Variants in ZNF618 observed in about 807,000 individuals in gnomAD.
The protein encoded by ZNF618 is neural precursor cell expressed, developmentally down-regulated 10.
Under a neutral mutation model 103.0 loss-of-function variants are expected in ZNF618, and 34 were observed. That is an observed-to-expected ratio of 0.33 (90% CI 0.25 to 0.44). ZNF618 has a LOEUF of 0.44. Ranked by LOEUF, ZNF618 falls within the 20% of genes least tolerant of loss-of-function variation. ZNF618 has a pLI of 1.00. For synonymous variants in ZNF618, 551 were observed against 542.2 expected (o/e 1.02, Z -0.23); for missense variants, 1,059 against 1,295.4 (o/e 0.82, Z 2.80).
intron 1 of ZNF618, among the ~76,000 whole-genome samples, chr9:113,894,932 T>G (rs1356638118): frequency 2.0e-5 from 3 of 152,108 alleles, no homozygotes; most frequent in Non-Finnish European, 4.4e-5. Context: ...TGTACTTTTT[T>G]CTCTTATATT....
At chr9:113,974,594 A>ATT (rs908999501) in intron 2 of ZNF618, among the ~76,000 whole-genome samples, 2 of 150,654 alleles carry the variant, frequency 1.3e-5, no homozygotes, top group African/African-American at 4.9e-5. Context: ...CTTAAGGGCT[A>ATT]TTTTTTTTTT....
intron 1 of ZNF618, among the ~76,000 whole-genome samples, chr9:113,884,583 A>G (rs1828870625): frequency 6.6e-6 from 1 of 152,132 alleles, no homozygotes; most frequent in South Asian, 2.1e-4. Flanking sequence ...AGACATCACT[A>G]ATTGACCATG....
intron 1 of ZNF618, among the ~76,000 whole-genome samples, chr9:113,915,059 T>C (rs118063095): frequency 2.0e-5 from 3 of 152,368 alleles, no homozygotes; most frequent in Non-Finnish European, 4.4e-5. Context: ...GAAAATCTTC[T>C]ACCTTACTTA....
chr9:113,945,744 T>C (rs1834962110), intron 1 of ZNF618, among the ~76,000 whole-genome samples: 1 of 152,212 alleles, frequency 6.6e-6, no homozygotes, highest in Non-Finnish European at 1.5e-5. Context: ...CTGTAAATTA[T>C]ATTTTTGGTG....
intron 12 of ZNF618, among the ~76,000 whole-genome samples, chr9:114,033,389 A>G (rs1050475744): frequency 6.8e-6 from 1 of 147,060 alleles, no homozygotes; most frequent in Middle Eastern, 3.3e-3. Context: ...CTGTCTCAAA[A>G]AGAGAGAGAG....
chr9:114,036,910 T>C (rs2134356977), intron 13 of ZNF618, among the ~76,000 whole-genome samples: 1 of 152,348 alleles, frequency 6.6e-6, no homozygotes, highest in East Asian at 1.9e-4. Flanking sequence ...CACAGATTTC[T>C]AGGCTCCATT....
At chr9:114,032,750 C>T (rs374959958) in intron 12 of ZNF618, 22 bp downstream of exon 12, 61 of 1,610,618 alleles carry the variant, frequency 3.8e-5, no homozygotes, top group Non-Finnish European at 4.8e-5. Context: ...CCTTGACAGC[C>T]ATCCTGTGCG....
intron 3 of ZNF618, among the ~76,000 whole-genome samples, chr9:113,994,474 AAGGGTTAG>A (rs1256656390): frequency 1.3e-5 from 2 of 152,208 alleles, no homozygotes; most frequent in East Asian, 3.9e-4. Context: ...TTGGGGTCTG[AAGGGTTAG>A]AGGGTCCCTG....
intron 1 of ZNF618, among the ~76,000 whole-genome samples, chr9:113,953,718 A>G (rs959198213): frequency 6.6e-6 from 1 of 152,148 alleles, no homozygotes; most frequent in African/African-American, 2.4e-5. Context: ...GCCTCACTCC[A>G]GACTCAGGCT....
At chr9:113,980,262 C>G (rs1271535911) in intron 2 of ZNF618, among the ~76,000 whole-genome samples, 2 of 151,988 alleles carry the variant, frequency 1.3e-5, no homozygotes, top group Admixed American at 1.3e-4. Context: ...GAATTGTTTT[C>G]CTCTCTTGGG....
chr9:113,935,709 A>G (rs892162411), intron 1 of ZNF618, among the ~76,000 whole-genome samples: 4 of 152,134 alleles, frequency 2.6e-5, no homozygotes, highest in South Asian at 2.1e-4. Context: ...AGGTGTGATG[A>G]TGGATACTGT....
At chr9:113,972,923 G>A (rs1355864249) in intron 2 of ZNF618, among the ~76,000 whole-genome samples, 1 of 152,060 alleles carries the variant, frequency 6.6e-6, no homozygotes, top group East Asian at 1.9e-4. Context: ...ACAAAAATTA[G>A]CCAGGTATGG....
chr9:113,917,932 TTAAC>T (rs1460726902), intron 1 of ZNF618, among the ~76,000 whole-genome samples: 1 of 152,206 alleles, frequency 6.6e-6, no homozygotes, highest in Non-Finnish European at 1.5e-5. Context: ...TATAATACTG[TTAAC>T]TAACCTGTAG....
intron 2 of ZNF618, among the ~76,000 whole-genome samples, chr9:113,980,903 G>A (rs577231315): frequency 6.6e-6 from 1 of 152,318 alleles, no homozygotes; most frequent in East Asian, 1.9e-4. Context: ...AAGCTGTGGT[G>A]GAGTAGTGGA....
chr9:114,042,673 A>G (rs1845316269), intron 13 of ZNF618, among the ~76,000 whole-genome samples: 1 of 152,184 alleles, frequency 6.6e-6, no homozygotes, highest in Non-Finnish European at 1.5e-5. Flanking sequence ...CTACAAAAAA[A>G]TTAAAAATAA....
intron 1 of ZNF618, among the ~76,000 whole-genome samples, chr9:113,897,367 G>A (rs1399389543): frequency 6.6e-6 from 1 of 152,154 alleles, no homozygotes; most frequent in East Asian, 1.9e-4. Context: ...GAGGATACAC[G>A]ATATTTTGCT....
chr9:113,947,117 A>G (rs1241223829), intron 1 of ZNF618, among the ~76,000 whole-genome samples: 6 of 152,116 alleles, frequency 3.9e-5, no homozygotes, highest in African/African-American at 1.4e-4. Context: ...GCTGCAGAGG[A>G]GGGGCTCAGG....
In ZNF618 at chr9:113,969,177, G is replaced by T. The variant is rs773234728; in HGVS notation, c.77+17G>T. ...TGCGAGCAGGTACACTCCCTCTCCC[G>T]CCCCCAGCTTGTCCACCCATCGACT... is the stretch of plus-strand genomic sequence containing the variant. On this transcript the variant is annotated intron_variant, in intron 2 of 14. Transcript: ENST00000374126. The T allele has an allele frequency of 6.2e-7, 1 of 1,613,794 alleles. No homozygotes were observed. Among genetic ancestry groups the T allele is most frequent in the South Asian group, 1.1e-5 (1 of 91,070 alleles).
At chr9:113,884,407 A>T (rs1828853171) in intron 1 of ZNF618, among the ~76,000 whole-genome samples, 2 of 152,254 alleles carry the variant, frequency 1.3e-5, no homozygotes, top group South Asian at 4.1e-4. Flanking sequence ...ATGATTGAAG[A>T]TGATGATGCA....
Sources: allele counts gnomAD v4.1 joint callset (sites outside exome capture counted in the v4.1 genomes callset), GRCh38; gene constraint gnomAD v4.1.1; transcripts MANE v1.5; gene names NCBI Gene and HGNC (gene_info 2026-07-23, HGNC 2026-07-21).